Variants in ARID3A observed in about 807,000 individuals in gnomAD.
The protein encoded by ARID3A is AT-rich interaction domain 3A, also known as AT-rich interactive domain-containing protein 3A.
A neutral mutation model predicts 52.7 loss-of-function variants in ARID3A; 11 were observed. The observed-to-expected ratio is 0.21, with a 90% CI of 0.13 to 0.35. The LOEUF (loss-of-function observed/expected upper bound fraction) is 0.35, where lower values mean the gene tolerates loss of function less well. Among genes scored for constraint, ARID3A ranks in the 10% least tolerant of loss-of-function variants. The pLI, the probability that ARID3A is intolerant of heterozygous loss-of-function variation, is 1.00. For synonymous variants in ARID3A, 404 were observed against 359.4 expected, an observed-to-expected ratio of 1.12 and a Z score of -1.40; for missense variants, 721 against 838.5, an observed-to-expected ratio of 0.86 and a Z score of 1.73.
intron 3 of ARID3A, among the ~76,000 whole-genome samples, chr19:936,123 C>G (rs2037434275): frequency 1.3e-5 from 2 of 152,218 alleles, no homozygotes; most frequent in African/African-American, 4.8e-5. Context: ...GGCGGTTAAT[C>G]ACAGATCTTC....
intron 3 of ARID3A, among the ~76,000 whole-genome samples, chr19:939,347 G>C (rs940802602): frequency 6.6e-6 from 1 of 152,084 alleles, no homozygotes; most frequent in Non-Finnish European, 1.5e-5. Context: ...TCGTATTCCT[G>C]ACCTCGTGAT....
At chr19:965,136 T>A in intron 6 of ARID3A, 56 bp downstream of exon 6, 2 of 1,527,188 alleles carry the variant, frequency 1.3e-6, no homozygotes, top group East Asian at 4.6e-5. Context: ...AGCCTGGCTG[T>A]CTGACCTTGG....
intron 8 of ARID3A, chr19:968,783 C>A (rs1329651639): frequency 3.3e-6 from 1 of 306,126 alleles, no homozygotes; most frequent in South Asian, 5.5e-5. Context: ...GAGACGGAGT[C>A]TTGCACAGAC....
chr19:971,041 A>G lies in ARID3A; in HGVS notation c.1595-837A>G, dbSNP rs75079833. Among the ~76,000 whole-genome samples the G allele has an allele frequency of 5.8e-4, 89 of 152,364 alleles. No homozygotes were observed. In the East Asian group the frequency reaches 0.016, roughly 28 times the overall value. On this transcript the variant is annotated intron_variant, in intron 8 of 8. Transcript: ENST00000263620. ...TGTGCTAGGGGTCTCGCAACCCCAC[A>G]TCAACGAACCATGGGCATCAGGGTT...
In ARID3A at chr19:964,736, G is replaced by A; in HGVS notation, c.951-97G>A. 3 of 1,499,882 alleles carry A rather than the reference G, an allele frequency of 2.0e-6. No homozygotes were observed. The highest frequency in any genetic ancestry group is 2.7e-6 in the Non-Finnish European group (3 of 1,119,406). 92.9% of individuals were successfully genotyped at this position (1,499,882 alleles called of 1,614,324 possible). On this transcript the variant is annotated intron_variant, in intron 5 of 8. Transcript: ENST00000263620. This position sits in a 1 kb window ranked among gnomAD's most constrained non-coding sequence, Gnocchi z 5.7. ...GAGCAAGTCCAAGGGAAGAACCAGG[G>A]ATGGTGGTGCCACAGTGGGGTTTAC... is the stretch of plus-strand genomic sequence containing the variant.
At position 959,369 on chromosome 19, in the gene ARID3A, G is replaced by A. The variant is rs1568369185; in HGVS notation, c.694-723G>A. Among the ~76,000 whole-genome samples the A allele has an allele frequency of 6.6e-6, 1 of 152,168 alleles. No homozygotes were observed. Among genetic ancestry groups the A allele is most frequent in the Non-Finnish European group, 1.5e-5 (1 of 68,018 alleles). Reference sequence around the variant, plus strand: ...GCTCACTTCAGCCTCCACTGCCCAGGCTCAAGCAATCCTCCCACCTCAGCC... The same window carrying A: ...GCTCACTTCAGCCTCCACTGCCCAGACTCAAGCAATCCTCCCACCTCAGCC... On this transcript the variant is annotated intron_variant, in intron 3 of 8. Transcript: ENST00000263620. The surrounding 1 kb of genome is among the most constrained non-coding windows in gnomAD (Gnocchi z 5.0).
At chr19:969,323 G>C (rs1218678202) in intron 8 of ARID3A, among the ~76,000 whole-genome samples, 1 of 151,904 alleles carries the variant, frequency 6.6e-6, no homozygotes, top group African/African-American at 2.4e-5. Context: ...GATCACTTGA[G>C]CCCAGGAGTT....
chr19:945,276 G>A (rs543238072), intron 3 of ARID3A, among the ~76,000 whole-genome samples: 4 of 152,364 alleles, frequency 2.6e-5, no homozygotes, highest in African/African-American at 9.6e-5. Flanking sequence ...AGACGGGGAT[G>A]GTATCAGAAG....
chr19:965,105 G>T (rs1331405130), intron 6 of ARID3A, 25 bp downstream of exon 6: 1 of 1,577,658 alleles, frequency 6.3e-7, no homozygotes, highest in East Asian at 2.3e-5. Flanking sequence ...GGGGCCTGGG[G>T]CGTGTTCCCA....
intron 3 of ARID3A, among the ~76,000 whole-genome samples, chr19:946,708 T>C (rs2037690836): frequency 6.6e-6 from 1 of 152,180 alleles, no homozygotes; most frequent in Non-Finnish European, 1.5e-5. Flanking sequence ...CCCAAAGTGC[T>C]GGGATTACAG....
At chr19:937,561 T>C (rs2037461902) in intron 3 of ARID3A, among the ~76,000 whole-genome samples, 1 of 152,136 alleles carries the variant, frequency 6.6e-6, no homozygotes, top group African/African-American at 2.4e-5. Context: ...GGAGAATTGC[T>C]GGGTCTGCTG....
At chr19:940,476 C>T (rs934623644) in intron 3 of ARID3A, among the ~76,000 whole-genome samples, 1 of 151,856 alleles carries the variant, frequency 6.6e-6, no homozygotes, top group Non-Finnish European at 1.5e-5. Flanking sequence ...CTGGGAGGAC[C>T]CTTCTGGAGC....
At chr19:956,104 T>C (rs1050712681) in intron 3 of ARID3A, among the ~76,000 whole-genome samples, 1 of 152,150 alleles carries the variant, frequency 6.6e-6, no homozygotes, top group African/African-American at 2.4e-5. Context: ...AGGCCCTTTT[T>C]CCAAATAACG....
chr19:935,056 C>T (rs1156946351), intron 3 of ARID3A, among the ~76,000 whole-genome samples: 2 of 152,224 alleles, frequency 1.3e-5, no homozygotes, highest in African/African-American at 4.8e-5. Context: ...CCGGCCCCTA[C>T]TGGGGCCCCT....
At chr19:953,219 C>T (rs1480571269) in intron 3 of ARID3A, among the ~76,000 whole-genome samples, 1 of 152,162 alleles carries the variant, frequency 6.6e-6, no homozygotes, top group Non-Finnish European at 1.5e-5. Flanking sequence ...CGCCAGCAGA[C>T]TCCACTGACC....
At position 968,594 on chromosome 19, in the gene ARID3A, T is replaced by C. The variant is rs917029634; in HGVS notation, c.1594+91T>C. ...TGAGTTGCGCCTGGTCCCACCTGCT[T>C]GAACCTAGGTGTGCGGGCGAGCAGG... On this transcript the variant is annotated intron_variant, in intron 8 of 8. Transcript: ENST00000263620. The C allele has an allele frequency of 4.1e-6, 5 of 1,227,784 alleles. No homozygotes were observed. In the African/African-American group the frequency reaches 7.5e-5, roughly 18 times the overall value. The allele number at this position is 1,227,784 out of a possible 1,614,324, so 76.1% of individuals were successfully genotyped here. A position where few individuals can be genotyped will look rare whatever the true frequency, so the allele number is the denominator to read the frequency against.
Position 941,161 on chromosome 19 carries a change from G to A in ARID3A, c.693+8419G>A, listed in dbSNP as rs144914452. Among the ~76,000 whole-genome samples, 5,679 of 152,322 alleles carry A rather than the reference G, an allele frequency of 0.037. 156 individuals carry two copies. Among genetic ancestry groups the A allele is most frequent in the Non-Finnish European group, 0.052 (3,510 of 68,014 alleles). ...TTTCTAATAACACACGCGGCAGCCC[G>A]AGGGAGCGGTGCCCGCAGGCAGAGA... On this transcript the variant is annotated intron_variant, in intron 3 of 8. Transcript: ENST00000263620. This position sits in a 1 kb window ranked among gnomAD's most constrained non-coding sequence, Gnocchi z 6.9.
At chr19:935,406 A>G (rs1430691986) in intron 3 of ARID3A, among the ~76,000 whole-genome samples, 2 of 152,168 alleles carry the variant, frequency 1.3e-5, no homozygotes, top group African/African-American at 4.8e-5. Flanking sequence ...TGTCTGACGT[A>G]GCCTCCTGGT....
chr19:969,031 T>C (rs570071027), intron 8 of ARID3A, among the ~76,000 whole-genome samples: 1 of 152,158 alleles, frequency 6.6e-6, no homozygotes, highest in African/African-American at 2.4e-5. Flanking sequence ...TGCAGCAAGC[T>C]GTGATGACGC....
Sources: allele counts gnomAD v4.1 joint callset (sites outside exome capture counted in the v4.1 genomes callset), GRCh38; gene constraint gnomAD v4.1.1; non-coding constraint Gnocchi (gnomAD v3.1); transcripts MANE v1.5; gene names NCBI Gene and HGNC (gene_info 2026-07-23, HGNC 2026-07-21).